Variants in SOCS7 observed in about 807,000 individuals in gnomAD.
The protein encoded by SOCS7 is NAP-4.
In SOCS7, 18 loss-of-function variants were observed where a neutral mutation model predicts 58.9. The observed-to-expected ratio is 0.31, with a 90% CI of 0.21 to 0.45. The LOEUF is 0.45. Among genes scored for constraint, SOCS7 ranks in the 20% least tolerant of loss-of-function variants. The pLI, the probability that SOCS7 is intolerant of heterozygous loss-of-function variation, is 1.00. For missense variants in SOCS7, 667 were observed against 837.3 expected (o/e 0.80, Z 2.51); for synonymous variants, 388 against 364.3 (o/e 1.06, Z -0.74).
At chr17:38,383,840 A>G (rs1389840655) in intron 7 of SOCS7, among the ~76,000 whole-genome samples, 9 of 152,146 alleles carry the variant, frequency 5.9e-5, no homozygotes, top group Non-Finnish European at 1.3e-4. Flanking sequence ...CACCGCGCCC[A>G]GCCTGCTCTA....
chr17:38,374,935 T>C (rs1248647854), intron 6 of SOCS7, among the ~76,000 whole-genome samples: 1 of 152,144 alleles, frequency 6.6e-6, no homozygotes, highest in Non-Finnish European at 1.5e-5. Context: ...GAAGAAGAAT[T>C]GGTACCATAT....
intron 1 of SOCS7, among the ~76,000 whole-genome samples, chr17:38,353,330 A>T (rs754089806): frequency 6.6e-6 from 1 of 152,192 alleles, no homozygotes; most frequent in African/African-American, 2.4e-5. Flanking sequence ...AGTTTTTCCA[A>T]GGCGGCTGTG....
chr17:38,399,087 CAAAA>C (rs1212485683), intron 9 of SOCS7, among the ~76,000 whole-genome samples: 86 of 59,658 alleles, frequency 1.4e-3, no homozygotes, highest in Admixed American at 0.014. Context: ...GACTCCGTCT[CAAAA>C]AAAAAAAAAA....
rs148066376 is a variant in SOCS7, at chr17:38,400,609, G to A, written c.*1127G>A. ...GTCAGAGGAGAGCATCGCATCTCACGTTTTTAGGTTTATCACTGCCATCCC... is the reference window on the plus strand; with the variant it reads ...GTCAGAGGAGAGCATCGCATCTCACATTTTTAGGTTTATCACTGCCATCCC... On this transcript the variant is annotated 3_prime_UTR_variant, in exon 10 of 10. Coordinates refer to ENST00000612932, the MANE Select transcript of SOCS7 (RefSeq NM_014598.4). The A allele has an allele frequency of 1.6e-4, 25 of 152,246 alleles. No homozygotes were observed. Among genetic ancestry groups the A allele is most frequent in the African/African-American group, 5.8e-4 (24 of 41,564 alleles). 9.4% of individuals were successfully genotyped at this position (152,246 alleles called of 1,614,324 possible). A position where few individuals can be genotyped will look rare whatever the true frequency, so the allele number is the denominator to read the frequency against.
intron 2 of SOCS7, among the ~76,000 whole-genome samples, chr17:38,363,966 A>G (rs1462615485): frequency 1.3e-5 from 2 of 152,126 alleles, no homozygotes; most frequent in Non-Finnish European, 2.9e-5. Context: ...TCGTGACTCA[A>G]GTGGAGAGGG....
At chr17:38,398,581 A>T (rs552042386) in intron 9 of SOCS7, among the ~76,000 whole-genome samples, 124 of 152,206 alleles carry the variant, frequency 8.1e-4, no homozygotes, top group African/African-American at 2.5e-3. Flanking sequence ...TTTGGCCTTT[A>T]TGACTTCTTG....
intron 1 of SOCS7, among the ~76,000 whole-genome samples, chr17:38,354,021 G>A (rs4458048): frequency 0.1 from 15,452 of 152,200 alleles, 1,188 homozygotes; most frequent in Middle Eastern, 0.24. Context: ...GTTCTAGGCC[G>A]ATTGATGAAA....
chr17:38,352,707 C>G lies in SOCS7; in HGVS notation c.655C>G (p.Pro219Ala). Residue 219 changes from proline to alanine, a missense_variant, in exon 1 of 10, where the codon CCA becomes GCA. By Grantham distance (27) the Pro-to-Ala change is conservative. Coordinates refer to ENST00000612932, the MANE Select transcript of SOCS7 (RefSeq NM_014598.4). This position sits in a 1 kb window ranked among gnomAD's most constrained non-coding sequence, Gnocchi z 5.5. ...GGGGRLLLQP[P>A]GPELPPVPFP... is the part of the protein sequence containing the mutation. ...GGGCGGCCGGCTTCTGCTGCAGCCC[C>G]CAGGCCCTGAATTACCTCCGGTGCC... 1.3e-6 allele frequency: 2 copies of G among 1,549,990 alleles called. No homozygotes were observed. The highest frequency in any genetic ancestry group is 1.7e-6 in the Non-Finnish European group (2 of 1,146,906).
At chr17:38,360,549 C>T (rs1223213278) in intron 1 of SOCS7, among the ~76,000 whole-genome samples, 3 of 145,880 alleles carry the variant, frequency 2.1e-5, no homozygotes, top group Non-Finnish European at 3.0e-5. Flanking sequence ...TTTTATTTTA[C>T]TTTATTTTGA....
At chr17:38,373,284 A>G (rs2037890978) in intron 6 of SOCS7, among the ~76,000 whole-genome samples, 1 of 152,236 alleles carries the variant, frequency 6.6e-6, no homozygotes, top group South Asian at 2.1e-4. Context: ...GAAAAATGTC[A>G]AGATAACAGA....
At chr17:38,395,661 G>T (rs1399249713) in intron 8 of SOCS7, among the ~76,000 whole-genome samples, 187 bp from the exon 9 acceptor site, 2 of 152,188 alleles carry the variant, frequency 1.3e-5, no homozygotes, top group Non-Finnish European at 2.9e-5. Flanking sequence ...CCTTCCTTCT[G>T]CAGTCTCTAG....
intron 7 of SOCS7, among the ~76,000 whole-genome samples, chr17:38,389,562 A>G (rs2144388839): frequency 6.6e-6 from 1 of 152,012 alleles, no homozygotes; most frequent in Admixed American, 6.6e-5. Flanking sequence ...AGTTCTTTAT[A>G]TATTCTGGAT....
chr17:38,367,384 G>GT (rs1005449714), intron 5 of SOCS7, among the ~76,000 whole-genome samples: 8 of 146,452 alleles, frequency 5.5e-5, no homozygotes, highest in Admixed American at 2.1e-4. Flanking sequence ...TTTGTTTTTT[G>GT]TTTTTTTGAC....
chr17:38,379,773 AG>A (rs2037978385), intron 7 of SOCS7, among the ~76,000 whole-genome samples: 1 of 152,204 alleles, frequency 6.6e-6, no homozygotes, highest in African/African-American at 2.4e-5. Context: ...ACTTGCTTAA[AG>A]GGAAAAGTTA....
intron 1 of SOCS7, among the ~76,000 whole-genome samples, chr17:38,354,796 T>C (rs2037611885): frequency 6.6e-6 from 1 of 152,236 alleles, no homozygotes; most frequent in African/African-American, 2.4e-5. Flanking sequence ...TTGTTCCATA[T>C]TGACCAGGAG....
intron 7 of SOCS7, among the ~76,000 whole-genome samples, chr17:38,389,900 C>CATATATATATGTACATATATATATGT (rs1263290062): frequency 9.9e-4 from 20 of 20,194 alleles, no homozygotes; most frequent in East Asian, 2.5e-3. Flanking sequence ...TATATATATA[C>CATATATATATGTACATATATATATGT]ACATATAGAG....
At chr17:38,361,459 G>A (rs2037718358) in intron 1 of SOCS7, among the ~76,000 whole-genome samples, 1 of 152,202 alleles carries the variant, frequency 6.6e-6, no homozygotes, top group Admixed American at 6.5e-5. Flanking sequence ...TTAATGTACT[G>A]GGTATGGTGA....
chr17:38,381,576 A>C (rs1238182808), intron 7 of SOCS7, among the ~76,000 whole-genome samples: 1 of 152,116 alleles, frequency 6.6e-6, no homozygotes, highest in Admixed American at 6.5e-5. Context: ...TGAAAAAGCA[A>C]AAGAAACTGA....
At chr17:38,366,860 G>A (rs952320460) in intron 5 of SOCS7, among the ~76,000 whole-genome samples, 5 of 152,202 alleles carry the variant, frequency 3.3e-5, no homozygotes, top group Admixed American at 6.5e-5. Flanking sequence ...ACAAAACAGT[G>A]TGCTCCTGCT....
Sources: allele counts gnomAD v4.1 joint callset (sites outside exome capture counted in the v4.1 genomes callset), GRCh38; gene constraint gnomAD v4.1.1; non-coding constraint Gnocchi (gnomAD v3.1); transcripts MANE v1.5; gene names NCBI Gene and HGNC (gene_info 2026-07-23, HGNC 2026-07-21).